Variants in ELP1 observed in about 807,000 individuals in gnomAD.
The protein encoded by ELP1 is elongator acetyltransferase complex subunit 1.
A neutral mutation model predicts 183.2 loss-of-function variants in ELP1; 131 were observed. The ratio of observed to expected loss-of-function variants is 0.72; its 90% CI spans 0.62 to 0.83. ELP1 has a LOEUF of 0.83. Among genes scored for constraint, ELP1 ranks in the 40% least tolerant of loss-of-function variants. The pLI is 0.00. For missense variants in ELP1, 1,550 were observed against 1,594.9 expected, an observed-to-expected ratio of 0.97 and a Z score of 0.48; for synonymous variants, 555 against 569.0, an observed-to-expected ratio of 0.98 and a Z score of 0.35.
At chr9:108,913,414 CAT>C (rs1479239467) in intron 10 of ELP1, among the ~76,000 whole-genome samples, 2 of 152,056 alleles carry the variant, frequency 1.3e-5, no homozygotes, top group Non-Finnish European at 2.9e-5. Context: ...AAACAGATGA[CAT>C]ATAAATTAAG....
chr9:108,912,403 C>A lies in ELP1; in HGVS notation c.1050G>T (p.Met350Ile), dbSNP rs918763626. The change falls in exon 11 of 37, where the codon ATG (methionine) becomes ATT (isoleucine). Residue 350 changes from methionine (M) to isoleucine (I), a missense_variant. Transcript: ENST00000374647. ...GCCGGTATGGGGTCACAGGGTCCCA[C>A]ATCAGAGACACAATCTTGCTCTTCC... is the stretch of plus-strand genomic sequence containing the variant. ...TCGKSKIVSL[M>I]WDPVTPYRLH... The A allele has an allele frequency of 1.9e-6, 3 of 1,614,144 alleles. No individual in the cohort carries two copies. The South Asian group carries it at 3.3e-5, about 18-fold the overall frequency.
intron 26 of ELP1, among the ~76,000 whole-genome samples, chr9:108,893,729 G>T (rs1005092869): frequency 1.2e-4 from 18 of 152,170 alleles, no homozygotes; most frequent in Admixed American, 4.6e-4. Flanking sequence ...TCTACTTGAC[G>T]TTCTTACCTA....
Position 108,897,388 on chromosome 9 carries a change from C to G in ELP1, c.2364-103G>C, listed in dbSNP as rs1407190048. The G allele has an allele frequency of 2.4e-6, 3 of 1,260,252 alleles. No homozygotes were observed. The Admixed American group carries it at 5.2e-5, about 22-fold the overall frequency. 78.1% of individuals were successfully genotyped at this position (1,260,252 alleles called of 1,614,324 possible). A position where few individuals can be genotyped will look rare whatever the true frequency, so the allele number is the denominator to read the frequency against. On this transcript the variant is annotated intron_variant, in intron 22 of 36. Transcript: ENST00000374647. Reference sequence around the variant, plus strand: ...TGCTGATGATGATAAATAAAAATGACTTTTGGAAAAGAGTTGAATTATAAA... The same window carrying G: ...TGCTGATGATGATAAATAAAAATGAGTTTTGGAAAAGAGTTGAATTATAAA...
At chr9:108,884,311 G>A (rs1236382872) in intron 29 of ELP1, among the ~76,000 whole-genome samples, 1 of 152,100 alleles carries the variant, frequency 6.6e-6, no homozygotes, top group Non-Finnish European at 1.5e-5. Context: ...CAAATACTGG[G>A]AGACTTCAAC....
In ELP1 at chr9:108,906,478, A is replaced by G. The variant is rs1421812017; in HGVS notation, c.1468T>C (p.Phe490Leu). 6.2e-7 allele frequency: 1 copy of G among 1,613,088 alleles called. No individual in the cohort carries two copies. Among genetic ancestry groups the G allele is most frequent in the Non-Finnish European group, 8.5e-7 (1 of 1,179,028 alleles). The change falls in exon 14 of 37, where the codon TTT becomes CTT. Residue 490 changes from phenylalanine (F) to leucine (L), a missense_variant. Transcript: ENST00000374647. ...ACATCTTGATCTTCATTATTCTCAA[A>G]CTGGATTCTATTGTAAATATTGAAG... ...PHLEKRYKIQ[F>L]ENNEDQDVNP... is the part of the protein sequence containing the mutation.
chr9:108,911,897 G>A (rs138300738), intron 11 of ELP1, among the ~76,000 whole-genome samples: 155 of 152,238 alleles, frequency 1.0e-3, no homozygotes, highest in African/African-American at 3.6e-3. Context: ...CACAAGTGGG[G>A]TGGTATAAGG....
At chr9:108,921,882 G>A (rs1280678344) in intron 6 of ELP1, among the ~76,000 whole-genome samples, 3 of 152,190 alleles carry the variant, frequency 2.0e-5, no homozygotes, top group Admixed American at 1.3e-4. Context: ...TACCATTTGA[G>A]TGCCTACACT....
intron 35 of ELP1, among the ~76,000 whole-genome samples, chr9:108,877,728 G>A (rs955419570): frequency 2.1e-4 from 32 of 152,168 alleles, no homozygotes; most frequent in African/African-American, 7.0e-4. Context: ...AAGGCCAGGA[G>A]CAATCATGTG....
rs1480087761 is a variant in ELP1 at position 108,903,033 on chromosome 9, C to T, written c.1751-91G>A. On this transcript the variant is annotated intron_variant, in intron 15 of 36. Coordinates refer to ENST00000374647, the MANE Select transcript of ELP1 (RefSeq NM_003640.5). Reference sequence around the variant, plus strand: ...AACATTTGCTAAAACACTTAACATGCAATTTCAATCACTTTTTTTCTCTAA... The same window carrying T: ...AACATTTGCTAAAACACTTAACATGTAATTTCAATCACTTTTTTTCTCTAA... 7 of 807,586 alleles carry T rather than the reference C, an allele frequency of 8.7e-6. 1 individual carries two copies. The highest frequency in any genetic ancestry group is 5.3e-5 in the East Asian group (2 of 37,814). The allele number at this position is 807,586 out of a possible 1,614,324, so 50.0% of individuals were successfully genotyped here. A position where few individuals can be genotyped will look rare whatever the true frequency, so the allele number is the denominator to read the frequency against.
chr9:108,902,343 C>G (rs1828838275), intron 16 of ELP1, among the ~76,000 whole-genome samples: 1 of 152,112 alleles, frequency 6.6e-6, no homozygotes, highest in African/African-American at 2.4e-5. Context: ...TATTCTCTAC[C>G]AGTATACTCT....
chr9:108,887,073 G>A (rs1307187339), intron 29 of ELP1, among the ~76,000 whole-genome samples: 2 of 152,044 alleles, frequency 1.3e-5, no homozygotes, highest in African/African-American at 4.8e-5. Flanking sequence ...GCCAGGCATG[G>A]TGGCATGTTC....
chr9:108,922,736 A>T (rs574786511), intron 6 of ELP1, 106 bp downstream of exon 6: 126 of 822,404 alleles, frequency 1.5e-4, no homozygotes, highest in African/African-American at 7.3e-4. Flanking sequence ...AAAGCAGAAG[A>T]GAACTGTTCA....
chr9:108,912,889 G>A (rs1199270953), intron 10 of ELP1, among the ~76,000 whole-genome samples: 1 of 150,648 alleles, frequency 6.6e-6, no homozygotes, highest in Non-Finnish European at 1.5e-5. Flanking sequence ...CGAGTAGCTA[G>A]GACTACAGGC....
At chr9:108,930,309 C>A (rs1829957321) in intron 2 of ELP1, among the ~76,000 whole-genome samples, 1 of 152,156 alleles carries the variant, frequency 6.6e-6, no homozygotes, top group South Asian at 2.1e-4. Flanking sequence ...AAAACCAACC[C>A]ACAGAGGTTT....
At chr9:108,893,203 G>C (rs554439137) in intron 26 of ELP1, 120 bp from the exon 27 acceptor site, 57 of 730,320 alleles carry the variant, frequency 7.8e-5, no homozygotes, top group South Asian at 5.0e-4. Flanking sequence ...TAAATAATCA[G>C]AGAATCTGAA....
rs2131973405 is a variant in ELP1 at position 108,893,040 on chromosome 9, T to C, written c.2904A>G (p.Lys968=). The C allele has an allele frequency of 6.2e-7, 1 of 1,613,964 alleles. No individual in the cohort carries two copies. Among genetic ancestry groups the C allele is most frequent in the Non-Finnish European group, 8.5e-7 (1 of 1,179,862 alleles). The part of the protein sequence containing the change: ...FPECLNLIKD[K]NLYNEALKLY... ...ACTTCAGAGCTTCGTTATACAAGTTTTTATCTTTTATCAAGTTTAAGCATT... is the reference window on the plus strand; with the variant it reads ...ACTTCAGAGCTTCGTTATACAAGTTCTTATCTTTTATCAAGTTTAAGCATT... The change falls in exon 27 of 37, where the codon AAA becomes AAG. Residue 968 remains lysine (K), a synonymous_variant. Transcript: ENST00000374647.
At chr9:108,888,525 C>T (rs1162922672) in intron 29 of ELP1, among the ~76,000 whole-genome samples, 1 of 152,140 alleles carries the variant, frequency 6.6e-6, no homozygotes, top group Non-Finnish European at 1.5e-5. Flanking sequence ...AATTAACCCT[C>T]GATGTGGTAT....
intron 25 of ELP1, among the ~76,000 whole-genome samples, 155 bp downstream of exon 25, chr9:108,896,341 C>A (rs796682690): frequency 1.3e-4 from 20 of 152,302 alleles, no homozygotes; most frequent in African/African-American, 4.6e-4. Context: ...AGCACAGGGG[C>A]TTAGGAATGT....
intron 36 of ELP1, among the ~76,000 whole-genome samples, chr9:108,874,687 G>C (rs1264277065): frequency 2.0e-5 from 3 of 152,170 alleles, no homozygotes; most frequent in African/African-American, 7.2e-5. Flanking sequence ...GGTCATGCTG[G>C]ATTTTCCTGC....
Sources: allele counts gnomAD v4.1 joint callset (sites outside exome capture counted in the v4.1 genomes callset), GRCh38; gene constraint gnomAD v4.1.1; transcripts MANE v1.5; gene names NCBI Gene and HGNC (gene_info 2026-07-23, HGNC 2026-07-21).